The following UTRN variants were observed in gnomAD, a reference collection of about 807,000 sequenced individuals.
UTRN encodes the protein dystrophin-related protein 1.
In UTRN, 283 loss-of-function variants were observed where a neutral mutation model predicts 463.9. The observed-to-expected ratio is 0.61, with a 90% CI of 0.55 to 0.67. UTRN has a LOEUF of 0.67. Among genes scored for constraint, UTRN ranks in the 30% least tolerant of loss-of-function variants. The pLI, the probability that UTRN is intolerant of heterozygous loss-of-function variation, is 0.00. For missense variants in UTRN, 3,922 were observed against 4,084.3 expected (o/e 0.96, Z 1.08); for synonymous variants, 1,442 against 1,431.5 (o/e 1.01, Z -0.17).
chr6:144,631,348 A>C (rs1776501176), intron 51 of UTRN, among the ~76,000 whole-genome samples: 1 of 151,820 alleles, frequency 6.6e-6, no homozygotes, highest in Admixed American at 6.6e-5. Context: ...CACCTGGCCA[A>C]CTCCAGCAAT....
In UTRN at chr6:144,631,528, G is replaced by A. The variant is rs1037432960; in HGVS notation, c.7480-46878G>A. Among the ~76,000 whole-genome samples, 4 of 152,142 alleles carry A rather than the reference G, an allele frequency of 2.6e-5. 1 individual carries two copies. The highest frequency in any genetic ancestry group is 9.7e-5 in the African/African-American group (4 of 41,424). On this transcript the variant is annotated intron_variant, in intron 51 of 74. Coordinates refer to ENST00000367545, the MANE Select transcript of UTRN (RefSeq NM_007124.3). ...GGGGATACATAATTAAGGAAGAAAAGGTTTTGTGAGGGAAAGGAGTAGCAG... is the reference window on the plus strand; with the variant it reads ...GGGGATACATAATTAAGGAAGAAAAAGTTTTGTGAGGGAAAGGAGTAGCAG...
In UTRN at chr6:144,487,640, T is replaced by A; in HGVS notation, c.3915T>A (p.Asp1305Glu). The change falls in exon 29 of 75, where the codon GAT (aspartate) becomes GAA (glutamate). Residue 1305 changes from aspartate (D) to glutamate (E), a missense_variant. Physicochemically the swap from Asp to Glu is conservative, Grantham distance 45. Transcript: ENST00000367545. ...TGATTGATGGGGGGATCCTGGATGATATAATCAGTGAGAAACTGGAGGCTT... is the reference window on the plus strand; with the variant it reads ...TGATTGATGGGGGGATCCTGGATGAAATAATCAGTGAGAAACTGGAGGCTT... Reference protein sequence around the residue: ...QTLIDGGILDDIISEKLEAFN... With the variant: ...QTLIDGGILDEIISEKLEAFN... The A allele has an allele frequency of 6.2e-7, 1 of 1,613,380 alleles. No individual in the cohort carries two copies.
intron 54 of UTRN, among the ~76,000 whole-genome samples, chr6:144,735,616 C>G (rs577769015): frequency 8.8e-4 from 134 of 152,234 alleles, no homozygotes; most frequent in Non-Finnish European, 1.4e-3. Context: ...GTTCACTTGT[C>G]TCATCTTATC....
intron 25 of UTRN, among the ~76,000 whole-genome samples, chr6:144,477,121 G>A (rs1050625710): frequency 5.9e-5 from 9 of 152,112 alleles, no homozygotes; most frequent in East Asian, 1.9e-4. Flanking sequence ...TGGTTTCTCC[G>A]TGGTAATGGA....
Position 144,745,827 on chromosome 6 carries a change from C to T in UTRN, c.7940-2419C>T, listed in dbSNP as rs952348461. ...ATTTCTTTTTTTACAGTAGTCAATG[C>T]TTAAGATATATTTTTGAAAAAGCCC... On this transcript the variant is annotated intron_variant, in intron 54 of 74. Transcript: ENST00000367545. Among the ~76,000 whole-genome samples the T allele has an allele frequency of 1.4e-4, 22 of 151,996 alleles. 1 individual carries two copies.
chr6:144,502,899 C>A (rs1448295685), intron 34 of UTRN, among the ~76,000 whole-genome samples: 1 of 152,196 alleles, frequency 6.6e-6, no homozygotes, highest in East Asian at 1.9e-4. Context: ...TCTCCACATC[C>A]ACTCCAGCAT....
intron 2 of UTRN, among the ~76,000 whole-genome samples, chr6:144,358,662 G>A (rs1470143182): frequency 6.6e-6 from 1 of 151,696 alleles, no homozygotes; most frequent in Non-Finnish European, 1.5e-5. Flanking sequence ...TTGAGATGGG[G>A]GTCTCACTAT....
At chr6:144,369,995 G>T (rs1779840387) in intron 2 of UTRN, among the ~76,000 whole-genome samples, 1 of 152,132 alleles carries the variant, frequency 6.6e-6, no homozygotes, top group Non-Finnish European at 1.5e-5. Flanking sequence ...CCAGTCTTGG[G>T]TATTTCTTCA....
At chr6:144,587,942 T>C (rs1585415503) in intron 51 of UTRN, among the ~76,000 whole-genome samples, 1 of 152,232 alleles carries the variant, frequency 6.6e-6, no homozygotes, top group Non-Finnish European at 1.5e-5. Flanking sequence ...CTTGGTTAGA[T>C]TAGTACAGAA....
intron 1 of UTRN, among the ~76,000 whole-genome samples, chr6:144,289,933 C>T (rs571255251): frequency 3.3e-5 from 5 of 151,602 alleles, no homozygotes; most frequent in Admixed American, 6.6e-5. Context: ...GGATTACAGG[C>T]GTGAGCCACC....
At chr6:144,633,122 A>G (rs548293849) in intron 51 of UTRN, among the ~76,000 whole-genome samples, 1 of 152,336 alleles carries the variant, frequency 6.6e-6, no homozygotes, top group African/African-American at 2.4e-5. Context: ...TGAGGCATTT[A>G]ACAAAATAAA....
At chr6:144,698,199 C>T (rs536897164) in intron 52 of UTRN, among the ~76,000 whole-genome samples, 30 of 152,154 alleles carry the variant, frequency 2.0e-4, no homozygotes, top group African/African-American at 6.3e-4. Flanking sequence ...TATTAGTTAT[C>T]AGGGAAAGGT....
chr6:144,492,679 C>G (rs1057279124), intron 32 of UTRN, among the ~76,000 whole-genome samples: 3 of 152,286 alleles, frequency 2.0e-5, no homozygotes, highest in South Asian at 2.1e-4. Context: ...TTGCCAGCAT[C>G]TGTTGTTTTT....
At chr6:144,489,735 C>A (rs924142245) in intron 30 of UTRN, among the ~76,000 whole-genome samples, 8 of 152,088 alleles carry the variant, frequency 5.3e-5, no homozygotes, top group African/African-American at 1.9e-4. Flanking sequence ...AATTCTCCTG[C>A]CTCAGCCTCC....
At chr6:144,588,107 C>T (rs1384610862) in intron 51 of UTRN, among the ~76,000 whole-genome samples, 2 of 152,132 alleles carry the variant, frequency 1.3e-5, no homozygotes, top group Non-Finnish European at 2.9e-5. Flanking sequence ...TGTTTCTGCA[C>T]TTCCTAGTCA....
At chr6:144,757,836 T>G in intron 57 of UTRN, 93 bp from the exon 58 acceptor site, 3 of 1,177,938 alleles carry the variant, frequency 2.5e-6, no homozygotes, top group Non-Finnish European at 3.6e-6. Flanking sequence ...GAGCAGTTCA[T>G]TGAATTTGCT....
chr6:144,605,684 T>TC (rs1804769781), intron 51 of UTRN, among the ~76,000 whole-genome samples: 2 of 151,752 alleles, frequency 1.3e-5, no homozygotes, highest in African/African-American at 4.8e-5. Flanking sequence ...GCCATTTTTT[T>TC]TTTTTTTTGG....
At position 144,516,852 on chromosome 6, in the gene UTRN, A is replaced by C; in HGVS notation, c.5445A>C (p.Arg1815Ser). Residue 1815 changes from arginine (R) to serine (S), a missense_variant, in exon 39 of 75, where the codon AGA (arginine) becomes AGC (serine). Arg to Ser is a moderately radical substitution (Grantham distance 110). Transcript: ENST00000367545. ...CCCAGATTGAGGAAGTTCTACAAAG[A>C]GGAGAAGAAATGTTACATCAACCTA... ...ESAQIEEVLQ[R>S]GEEMLHQPME... 1 of 1,516,700 alleles carries C rather than the reference A, an allele frequency of 6.6e-7. No homozygotes were observed. The highest frequency in any genetic ancestry group is 1.8e-4 in the Middle Eastern group (1 of 5,464). 94.0% of individuals were successfully genotyped at this position (1,516,700 alleles called of 1,614,324 possible). A position where few individuals can be genotyped will look rare whatever the true frequency, so the allele number is the denominator to read the frequency against.
intron 73 of UTRN, among the ~76,000 whole-genome samples, chr6:144,844,035 T>G (rs1429142592): frequency 1.3e-5 from 2 of 152,156 alleles, no homozygotes; most frequent in African/African-American, 4.8e-5. Context: ...TCCTTTGAAA[T>G]CTCCATGTTT....
Sources: allele counts gnomAD v4.1 joint callset (sites outside exome capture counted in the v4.1 genomes callset), GRCh38; gene constraint gnomAD v4.1.1; transcripts MANE v1.5; gene names NCBI Gene and HGNC (gene_info 2026-07-23, HGNC 2026-07-21).